MYO1B: variants seen among roughly 807,000 people sequenced by gnomAD.
MYO1B encodes the protein myosin IB, also known as unconventional myosin-Ib.
Under a neutral mutation model 159.7 loss-of-function variants are expected in MYO1B, and 72 were observed. The observed-to-expected ratio is 0.45, with a 90% CI of 0.37 to 0.55. The LOEUF is 0.55. MYO1B is among the 20% of genes least tolerant of loss of function. MYO1B has a pLI of 0.00. For synonymous variants in MYO1B, 468 were observed against 473.8 expected (o/e 0.99, Z 0.16); for missense variants, 1,062 against 1,364.8 (o/e 0.78, Z 3.50).
intron 7 of MYO1B, among the ~76,000 whole-genome samples, chr2:191,352,733 T>G (rs2125988409): frequency 6.6e-6 from 1 of 152,228 alleles, no homozygotes; most frequent in Middle Eastern, 3.4e-3. Flanking sequence ...AGGAATACAT[T>G]AGTGGTAAGA....
intron 3 of MYO1B, among the ~76,000 whole-genome samples, chr2:191,296,964 C>A (rs1689019396): frequency 6.6e-6 from 1 of 152,162 alleles, no homozygotes; most frequent in East Asian, 1.9e-4. Context: ...AACCCTAGAA[C>A]TTTTATTCCT....
intron 13 of MYO1B, among the ~76,000 whole-genome samples, chr2:191,373,485 C>T (rs1029618040): frequency 1.3e-5 from 2 of 152,172 alleles, no homozygotes; most frequent in African/African-American, 2.4e-5. Context: ...TGGGCCTCAC[C>T]TACTGTTCAT....
chr2:191,307,374 C>T (rs1689711700), intron 3 of MYO1B, among the ~76,000 whole-genome samples: 1 of 152,136 alleles, frequency 6.6e-6, no homozygotes, highest in Non-Finnish European at 1.5e-5. Context: ...GACCAGAGGG[C>T]AGCTTCCTCG....
chr2:191,343,154 G>A (rs1056292924), intron 5 of MYO1B, among the ~76,000 whole-genome samples: 1 of 152,186 alleles, frequency 6.6e-6, no homozygotes, highest in African/African-American at 2.4e-5. Flanking sequence ...CCCCTAGGGA[G>A]TCAGAACCAC....
intron 3 of MYO1B, among the ~76,000 whole-genome samples, chr2:191,309,277 A>T (rs1039759553): frequency 1.3e-5 from 2 of 151,742 alleles, no homozygotes; most frequent in Non-Finnish European, 2.9e-5. Flanking sequence ...CTTTTCTCCT[A>T]TTGCACACTC....
intron 20 of MYO1B, among the ~76,000 whole-genome samples, chr2:191,394,146 A>T (rs1322711760): frequency 1.3e-5 from 2 of 152,218 alleles, no homozygotes; most frequent in Non-Finnish European, 2.9e-5. Context: ...ACAATGGCTC[A>T]TGCTAGTTAA....
chr2:191,348,588 CT>C (rs66688359), intron 6 of MYO1B, among the ~76,000 whole-genome samples: 48,876 of 150,818 alleles, frequency 0.32, 8,310 homozygotes, highest in South Asian at 0.49. Context: ...CATGACTGGA[CT>C]TTTTTTTTTC....
chr2:191,267,810 T>A (rs1246401442), intron 1 of MYO1B, among the ~76,000 whole-genome samples: 2 of 152,232 alleles, frequency 1.3e-5, no homozygotes, highest in Non-Finnish European at 2.9e-5. Context: ...TGTCTTGTCC[T>A]TTGGTTTCTA....
At chr2:191,281,178 C>T (rs1013074776) in intron 2 of MYO1B, among the ~76,000 whole-genome samples, 9 of 152,160 alleles carry the variant, frequency 5.9e-5, no homozygotes, top group African/African-American at 2.2e-4. Flanking sequence ...TGGGTTGACA[C>T]ACTTGTTTAA....
At chr2:191,372,911 G>A (rs1694460361) in intron 13 of MYO1B, among the ~76,000 whole-genome samples, 5 of 122,178 alleles carry the variant, frequency 4.1e-5, no homozygotes, top group African/African-American at 7.2e-5. Context: ...TTTTTGTGAC[G>A]GAGTCTCACT....
At chr2:191,394,769 C>T (rs1695963846) in intron 20 of MYO1B, among the ~76,000 whole-genome samples, 1 of 152,156 alleles carries the variant, frequency 6.6e-6, no homozygotes, top group East Asian at 1.9e-4. Flanking sequence ...TACCTTTTCT[C>T]CCAATATAAA....
At chr2:191,274,782 C>T (rs539480560) in intron 1 of MYO1B, among the ~76,000 whole-genome samples, 1 of 152,296 alleles carries the variant, frequency 6.6e-6, no homozygotes, top group Admixed American at 6.5e-5. Context: ...ATTTCCATAG[C>T]ATGGCACGTG....
At chr2:191,246,167 T>G (rs1685778999) in intron 1 of MYO1B, 1 of 152,158 alleles carries the variant, frequency 6.6e-6, no homozygotes, top group Non-Finnish European at 1.5e-5. Flanking sequence ...TCGCCTCCTT[T>G]GTTCCGCCGC....
chr2:191,396,753 A>G (rs1455658024), intron 21 of MYO1B, among the ~76,000 whole-genome samples: 2 of 152,196 alleles, frequency 1.3e-5, no homozygotes, highest in African/African-American at 4.8e-5. Flanking sequence ...ATACCCGTAC[A>G]TGATTTCAGT....
At chr2:191,343,688 G>A (rs1419657926) in intron 5 of MYO1B, among the ~76,000 whole-genome samples, 2 of 152,170 alleles carry the variant, frequency 1.3e-5, no homozygotes, top group Non-Finnish European at 2.9e-5. Context: ...GTGATGTAAA[G>A]GAGAAATGCT....
chr2:191,341,812 A>G (rs1449507773), intron 5 of MYO1B, among the ~76,000 whole-genome samples: 2 of 152,092 alleles, frequency 1.3e-5, no homozygotes, highest in Non-Finnish European at 2.9e-5. Context: ...CTCAATTTTT[A>G]TTTGAATTCT....
At chr2:191,378,324 A>G (rs765403469) in intron 13 of MYO1B, among the ~76,000 whole-genome samples, 1 of 152,026 alleles carries the variant, frequency 6.6e-6, no homozygotes, top group South Asian at 2.1e-4. Context: ...ATGGCTGTTT[A>G]TTTCACCTGG....
chr2:191,279,826 C>T (rs533126267), intron 2 of MYO1B, among the ~76,000 whole-genome samples: 1 of 152,082 alleles, frequency 6.6e-6, no homozygotes, highest in African/African-American at 2.4e-5. Flanking sequence ...ATGGGTGACT[C>T]TCTAGGGATG....
chr2:191,379,436 T>A (rs1014039405), intron 13 of MYO1B, among the ~76,000 whole-genome samples: 1 of 152,222 alleles, frequency 6.6e-6, no homozygotes, highest in Non-Finnish European at 1.5e-5. Flanking sequence ...TTTAATTTAG[T>A]TGTAACTTAA....
Sources: allele counts gnomAD v4.1 joint callset (sites outside exome capture counted in the v4.1 genomes callset), GRCh38; gene constraint gnomAD v4.1.1; transcripts MANE v1.5; gene names NCBI Gene and HGNC (gene_info 2026-07-23, HGNC 2026-07-21).